OTOA: variants seen among roughly 807,000 people sequenced by gnomAD.
OTOA encodes cancer/testis antigen 108.
In OTOA, 70 loss-of-function variants were observed where a neutral mutation model predicts 110.8. That is an observed-to-expected ratio of 0.63 (90% CI 0.52 to 0.77). The LOEUF (loss-of-function observed/expected upper bound fraction) is 0.77. OTOA is among the 30% of genes least tolerant of loss of function. The probability of loss-of-function intolerance (pLI) is 0.00; values close to 1 mark genes in which losing one functional copy is unlikely to be tolerated. For synonymous variants in OTOA, 373 were observed against 431.5 expected, an observed-to-expected ratio of 0.86 and a Z score of 1.68; for missense variants, 917 against 1,075.8, an observed-to-expected ratio of 0.85 and a Z score of 2.06.
intron 5 of OTOA, 47 bp from the exon 6 acceptor site, chr16:21,681,691 A>C: frequency 3.9e-6 from 6 of 1,523,816 alleles, no homozygotes; most frequent in Non-Finnish European, 5.5e-6. Context: ...TAGTGCTTGT[A>C]GGAGAATCTG....
At chr16:21,712,344 A>AG in intron 13 of OTOA, among the ~76,000 whole-genome samples, 1 of 152,156 alleles carries the variant, frequency 6.6e-6, no homozygotes, top group East Asian at 1.9e-4. Context: ...TAAAAAAAAA[A>AG]AAGAAAAAAG....
At chr16:21,719,065 T>C in intron 15 of OTOA, 68 bp from the exon 16 acceptor site, 8 of 1,464,588 alleles carry the variant, frequency 5.5e-6, no homozygotes, top group Non-Finnish European at 5.7e-6. Context: ...GCCTTCCTGA[T>C]AGGGCCTCAC....
intron 8 of OTOA, among the ~76,000 whole-genome samples, 193 bp from the exon 9 acceptor site, chr16:21,691,391 G>T (rs1269494657): frequency 6.6e-6 from 1 of 152,064 alleles, no homozygotes; most frequent in Non-Finnish European, 1.5e-5. Flanking sequence ...GAATCACCAC[G>T]CTGTCTTCCA....
chr16:21,687,262 G>T, intron 7 of OTOA, 151 bp from the exon 8 acceptor site: 1 of 714,550 alleles, frequency 1.4e-6, no homozygotes, highest in East Asian at 2.7e-5. Flanking sequence ...TTGTTCTGCA[G>T]GGAATGGAAA....
At chr16:21,690,358 CAAT>C (rs1897804622) in intron 8 of OTOA, among the ~76,000 whole-genome samples, 1 of 145,546 alleles carries the variant, frequency 6.9e-6, no homozygotes, top group African/African-American at 2.6e-5. Context: ...CCCACCCCCA[CAAT>C]AGGACCCAGT....
intron 13 of OTOA, among the ~76,000 whole-genome samples, chr16:21,712,009 C>T (rs1210425211): frequency 6.6e-6 from 1 of 151,878 alleles, no homozygotes; most frequent in African/African-American, 2.4e-5. Flanking sequence ...ACCAACTATA[C>T]AAAACTCATC....
chr16:21,705,405 T>A, intron 12 of OTOA, 113 bp downstream of exon 12: 1 of 1,540,104 alleles, frequency 6.5e-7, no homozygotes, highest in Non-Finnish European at 8.9e-7. Context: ...TTAGTCGGGA[T>A]TTAAGTCCAG....
At chr16:21,677,318 C>G (rs1404393068) in intron 1 of OTOA, among the ~76,000 whole-genome samples, 1 of 152,068 alleles carries the variant, frequency 6.6e-6, no homozygotes, top group Non-Finnish European at 1.5e-5. Flanking sequence ...ATATCATCAC[C>G]AACATTTGAT....
Position 21,685,218 on chromosome 16 carries a change from C to A in OTOA, c.268-12C>A, listed in dbSNP as rs376188519. On this transcript the variant is annotated splice_polypyrimidine_tract_variant and intron_variant, in intron 6 of 28. Transcript: ENST00000646100. ...TCTGTTCTCACCGACTCTCCCAACA[C>A]CCCAAATACAGGCAGCCGTGGAAAA... The A allele has an allele frequency of 1.9e-6, 3 of 1,611,082 alleles. No homozygotes were observed. Among genetic ancestry groups the A allele is most frequent in the Admixed American group, 1.7e-5 (1 of 59,932 alleles).
At chr16:21,728,940 CAA>C (rs778163869) in intron 20 of OTOA, among the ~76,000 whole-genome samples, 15 of 152,054 alleles carry the variant, frequency 9.9e-5, no homozygotes, top group Non-Finnish European at 1.9e-4. Context: ...CTAAAAATCT[CAA>C]AGAGTTGTTT....
chr16:21,685,127 T>C (rs1359926538), intron 6 of OTOA, 103 bp from the exon 7 acceptor site: 2 of 1,488,956 alleles, frequency 1.3e-6, no homozygotes, highest in African/African-American at 2.8e-5. Context: ...AGTTGTGGTC[T>C]CTGCAGGGAA....
At chr16:21,714,769 C>G (rs1398252860) in intron 13 of OTOA, among the ~76,000 whole-genome samples, 1 of 152,144 alleles carries the variant, frequency 6.6e-6, no homozygotes, top group East Asian at 1.9e-4. Context: ...CCTGGCCTCT[C>G]AAAGTGCTGG....
rs543533749 is a variant in OTOA, at chr16:21,684,419, G to A, written c.268-811G>A. 7.2e-6 allele frequency: 11 copies of A among 1,525,830 alleles called. No individual in the cohort carries two copies. The African/African-American group carries it at 1.4e-4, about 19-fold the overall frequency. 94.5% of individuals were successfully genotyped at this position (1,525,830 alleles called of 1,614,324 possible). On this transcript the variant is annotated intron_variant, in intron 6 of 28. Transcript: ENST00000646100. ...CTTGCCCTGTAGGGGGCGCCACAGA[G>A]TATGTTCATTTCGCCTGTATTTTGC...
At chr16:21,710,914 G>A (rs1250698274) in intron 13 of OTOA, among the ~76,000 whole-genome samples, 1 of 152,102 alleles carries the variant, frequency 6.6e-6, no homozygotes, top group Non-Finnish European at 1.5e-5. Context: ...GAGGCAGGAG[G>A]ATGGCTTGAA....
intron 1 of OTOA, among the ~76,000 whole-genome samples, chr16:21,665,402 T>G (rs1180120395): frequency 6.6e-6 from 1 of 152,090 alleles, no homozygotes; most frequent in African/African-American, 2.4e-5. Context: ...AGCGAGACAA[T>G]GTATGTTAGA....
Position 21,695,891 on chromosome 16 carries a change from A to ATTTTTTTTTTTTT in OTOA, c.740-1877_740-1865dup, listed in dbSNP as rs386384450. The stretch of plus-strand genomic sequence containing the variant: ...GATATATATATATATATATATATAT[A>ATTTTTTTTTTTTT]TTTTTTTTTTTTTTTTTTTCTGAGA... On this transcript the variant is annotated intron_variant, in intron 9 of 28. Coordinates refer to ENST00000646100, the MANE Select transcript of OTOA (RefSeq NM_144672.4). 3.8e-4 allele frequency among the ~76,000 whole-genome samples: 16 copies of ATTTTTTTTTTTTT among 41,896 alleles called. 1 individual carries two copies. The highest frequency in any genetic ancestry group is 5.6e-4 in the Non-Finnish European group (15 of 27,022). The allele number at this position is 41,896 out of a possible 152,430, so 27.5% of individuals were successfully genotyped here.
At chr16:21,696,256 G>T (rs1021995517) in intron 9 of OTOA, among the ~76,000 whole-genome samples, 1 of 151,970 alleles carries the variant, frequency 6.6e-6, no homozygotes, top group African/African-American at 2.4e-5. Context: ...AGCCAGAACG[G>T]GGTGTCAGAG....
At chr16:21,698,184 G>A (rs1897982884) in intron 10 of OTOA, among the ~76,000 whole-genome samples, 1 of 152,130 alleles carries the variant, frequency 6.6e-6, no homozygotes, top group Non-Finnish European at 1.5e-5. Context: ...TCATTTAAGG[G>A]TATTTTTGTA....
rs558840693 is a variant in OTOA, at chr16:21,717,162, T to C, written c.1629+115T>C. The C allele has an allele frequency of 7.0e-5, 100 of 1,426,832 alleles. No individual in the cohort carries two copies. The South Asian group carries it at 1.1e-3, about 16-fold the overall frequency. 88.4% of individuals were successfully genotyped at this position (1,426,832 alleles called of 1,614,324 possible). A position where few individuals can be genotyped will look rare whatever the true frequency, so the allele number is the denominator to read the frequency against. On this transcript the variant is annotated intron_variant, in intron 15 of 28. Coordinates refer to ENST00000646100, the MANE Select transcript of OTOA (RefSeq NM_144672.4). The stretch of plus-strand genomic sequence containing the variant: ...GAAATTTATTTCTGTGGGATTAGTA[T>C]AGGAGGCAGAATAGTATAGTGTTAA...
Sources: allele counts gnomAD v4.1 joint callset (sites outside exome capture counted in the v4.1 genomes callset), GRCh38; gene constraint gnomAD v4.1.1; transcripts MANE v1.5; gene names NCBI Gene and HGNC (gene_info 2026-07-23, HGNC 2026-07-21).